The following TECTA variants were observed in gnomAD, a reference collection of about 807,000 sequenced individuals.
TECTA encodes the protein alpha-tectorin.
Under a neutral mutation model 216.8 loss-of-function variants are expected in TECTA, and 128 were observed. The ratio of observed to expected loss-of-function variants is 0.59; its 90% CI spans 0.51 to 0.68. The LOEUF (loss-of-function observed/expected upper bound fraction) is 0.68, where lower values mean the gene tolerates loss of function less well. Ranked by LOEUF, TECTA falls within the 30% of genes least tolerant of loss-of-function variation. The pLI, the probability that TECTA is intolerant of heterozygous loss-of-function variation, is 0.00. For missense variants in TECTA, 2,551 were observed against 2,786.2 expected (o/e 0.92, Z 1.90); for synonymous variants, 1,089 against 1,117.1 (o/e 0.97, Z 0.50).
At chr11:121,174,880 A>G (rs1445785440) in intron 20 of TECTA, among the ~76,000 whole-genome samples, 1 of 152,026 alleles carries the variant, frequency 6.6e-6, no homozygotes, top group Non-Finnish European at 1.5e-5. Context: ...CCTGTTACTG[A>G]TCTGTTCAGA....
Position 121,163,894 on chromosome 11 carries a change from G to A in TECTA, c.5273-1379G>A, listed in dbSNP as rs534020535. On this transcript the variant is annotated intron_variant, in intron 16 of 23. Coordinates refer to ENST00000392793, the MANE Select transcript of TECTA (RefSeq NM_005422.4). ...TGGTGGCTGTTATGTGCTTAGCACT[G>A]TGCTAGGTATTGGACATACTGGGCC... Among the ~76,000 whole-genome samples, 6 of 152,346 alleles carry A rather than the reference G, an allele frequency of 3.9e-5. No individual in the cohort carries two copies. The South Asian group carries it at 1.2e-3, about 32-fold the overall frequency.
chr11:121,187,135 G>C (rs1947296096), intron 20 of TECTA, among the ~76,000 whole-genome samples: 3 of 152,234 alleles, frequency 2.0e-5, no homozygotes, highest in Non-Finnish European at 4.4e-5. Flanking sequence ...ATTGGACAAA[G>C]AGCAGGAAGA....
intron 20 of TECTA, among the ~76,000 whole-genome samples, chr11:121,177,438 C>T (rs1947178775): frequency 6.6e-6 from 1 of 152,214 alleles, no homozygotes; most frequent in Non-Finnish European, 1.5e-5. Context: ...GCTAGAGGTC[C>T]ACTCCAGACC....
chr11:121,103,530 C>G lies in TECTA; in HGVS notation c.64+801C>G, dbSNP rs939493487. Among the ~76,000 whole-genome samples, 4 of 152,062 alleles carry G rather than the reference C, an allele frequency of 2.6e-5. No individual in the cohort carries two copies. The East Asian group carries it at 7.7e-4, about 29-fold the overall frequency. On this transcript the variant is annotated intron_variant, in intron 2 of 23. Coordinates refer to ENST00000392793, the MANE Select transcript of TECTA (RefSeq NM_005422.4). The stretch of plus-strand genomic sequence containing the variant: ...AACCCCACGGGAATGAAAGAGGGCC[C>G]TTGACTTCAACCTCCTACCCCAGCT...
rs1220053987 is a variant in TECTA, at chr11:121,162,180, C to T, written c.5082C>T (p.Leu1694=). ...KMQGDGYCLK[L]TDMKGFFQPC... ...AGGGTGATGGCTACTGCCTGAAGCT[C>T]ACCGACATGAAGGGCTTCTTCCAGC... Residue 1694 remains leucine, a synonymous_variant, in exon 16 of 24, where the codon CTC becomes CTT. Transcript: ENST00000392793. The T allele has an allele frequency of 1.2e-6, 2 of 1,614,080 alleles. No homozygotes were observed. The highest frequency in any genetic ancestry group is 1.7e-6 in the Non-Finnish European group (2 of 1,180,052).
Position 121,137,563 on chromosome 11 carries a change from C to T in TECTA, c.3084C>T (p.Ser1028=). ...ATGAGGGCTATGCTCTACTGGGCAG[C>T]CAGTGTGTCACGCGGAGTGAGTGTG... is the stretch of plus-strand genomic sequence containing the variant. ...QCDEGYALLG[S]QCVTRSECGC... Residue 1028 remains serine, a synonymous_variant, in exon 11 of 24, where the codon AGC becomes AGT. Transcript: ENST00000392793. 1 of 1,613,916 alleles carries T rather than the reference C, an allele frequency of 6.2e-7. No individual in the cohort carries two copies.
chr11:121,188,583 C>T (rs981052874), intron 21 of TECTA, among the ~76,000 whole-genome samples: 1 of 152,228 alleles, frequency 6.6e-6, no homozygotes, highest in South Asian at 2.1e-4. Context: ...AACCAATGAT[C>T]TCTTCTGTGC....
intron 11 of TECTA, among the ~76,000 whole-genome samples, chr11:121,141,366 T>A (rs531189223): frequency 6.6e-6 from 1 of 152,174 alleles, no homozygotes; most frequent in Admixed American, 6.5e-5. Context: ...GAGGGTGATA[T>A]GAAAGTGCTT....
chr11:121,128,878 T>G (rs1946643197), intron 9 of TECTA, among the ~76,000 whole-genome samples: 1 of 152,140 alleles, frequency 6.6e-6, no homozygotes, highest in Non-Finnish European at 1.5e-5. Flanking sequence ...GAAAAACCCA[T>G]CATTAGGCAC....
Position 121,160,430 on chromosome 11 carries a change from G to A in TECTA, c.4976+9G>A. On this transcript the variant is annotated intron_variant, in intron 15 of 23. Coordinates refer to ENST00000392793, the MANE Select transcript of TECTA (RefSeq NM_005422.4). ...AATGGCATGCAGAAGAGGTGAGGGT[G>A]TAGGAGTTCAAGCCACTAGACTTGG... is the stretch of plus-strand genomic sequence containing the variant. 1.2e-6 allele frequency: 2 copies of A among 1,607,352 alleles called. No homozygotes were observed. Among genetic ancestry groups the A allele is most frequent in the East Asian group, 2.2e-5 (1 of 44,882 alleles).
Position 121,126,217 on chromosome 11 carries a change from A to G in TECTA, c.1774+345A>G, listed in dbSNP as rs185396437. On this transcript the variant is annotated intron_variant, in intron 8 of 23. Transcript: ENST00000392793. ...ACTTTTGTGGCTGTTGAGTTAATGC[A>G]GCTGTGGGCCTGGGTCATCAAAACT... Among the ~76,000 whole-genome samples, 138 of 152,292 alleles carry G rather than the reference A, an allele frequency of 9.1e-4. 4 individuals carry two copies. In the East Asian group the frequency reaches 0.023, roughly 26 times the overall value.
chr11:121,184,778 A>T (rs145308091), intron 20 of TECTA, among the ~76,000 whole-genome samples: 1 of 152,242 alleles, frequency 6.6e-6, no homozygotes, highest in East Asian at 1.9e-4. Context: ...GTACTGTGGA[A>T]TTTTCAGCAA....
At position 121,109,061 on chromosome 11, in the gene TECTA, GA is replaced by G. The variant is rs1455000207; in HGVS notation, c.199-149del. 1.1e-5 allele frequency: 9 copies of G among 812,454 alleles called. No homozygotes were observed. In the Admixed American group the frequency reaches 2.0e-4, roughly 18 times the overall value. The allele number at this position is 812,454 out of a possible 1,614,324, so 50.3% of individuals were successfully genotyped here. A position where few individuals can be genotyped will look rare whatever the true frequency, so the allele number is the denominator to read the frequency against. The stretch of plus-strand genomic sequence containing the variant: ...TGGAAGTAAACGAACCTCTTAGTCT[GA>G]GCAATGGAACCCGGTGTTTGGGGGT... On this transcript the variant is annotated intron_variant, in intron 3 of 23. Coordinates refer to ENST00000392793, the MANE Select transcript of TECTA (RefSeq NM_005422.4).
At chr11:121,169,950 G>T (rs1947094554) in intron 20 of TECTA, among the ~76,000 whole-genome samples, 1 of 152,142 alleles carries the variant, frequency 6.6e-6, no homozygotes. Flanking sequence ...TTGAACACTA[G>T]AACTTATTCC....
chr11:121,169,877 G>A (rs988622449), intron 20 of TECTA, among the ~76,000 whole-genome samples: 1 of 152,096 alleles, frequency 6.6e-6, no homozygotes, highest in African/African-American at 2.4e-5. Context: ...TTCAAATCTT[G>A]TCTTCTGGCT....
At chr11:121,151,990 G>C (rs1185506120) in intron 12 of TECTA, among the ~76,000 whole-genome samples, 1 of 152,156 alleles carries the variant, frequency 6.6e-6, no homozygotes, top group Non-Finnish European at 1.5e-5. Context: ...TGAGCACACA[G>C]ACTCACTTAA....
chr11:121,155,992 G>A (rs1357641619), intron 13 of TECTA, among the ~76,000 whole-genome samples: 1 of 152,188 alleles, frequency 6.6e-6, no homozygotes, highest in African/African-American at 2.4e-5. Flanking sequence ...GATACGCTAT[G>A]TTGTAGGTAT....
At chr11:121,153,539 C>G (rs1396929372) in intron 13 of TECTA, among the ~76,000 whole-genome samples, 1 of 152,114 alleles carries the variant, frequency 6.6e-6, no homozygotes, top group Admixed American at 6.5e-5. Context: ...GCGGACTTCC[C>G]TCTTCTGTCT....
intron 20 of TECTA, among the ~76,000 whole-genome samples, chr11:121,172,015 A>G (rs1947117369): frequency 6.6e-6 from 1 of 152,134 alleles, no homozygotes; most frequent in South Asian, 2.1e-4. Flanking sequence ...TCCGTTCAGT[A>G]TGATATTATC....
Sources: allele counts gnomAD v4.1 joint callset (sites outside exome capture counted in the v4.1 genomes callset), GRCh38; gene constraint gnomAD v4.1.1; transcripts MANE v1.5; gene names NCBI Gene and HGNC (gene_info 2026-07-23, HGNC 2026-07-21).